Variants in IPO7 observed in about 807,000 individuals in gnomAD.
The protein encoded by IPO7 is importin-7.
A neutral mutation model predicts 136.4 loss-of-function variants in IPO7; 13 were observed. The ratio of observed to expected loss-of-function variants is 0.10; its 90% confidence interval spans 0.06 to 0.15. The LOEUF is 0.15. Ranked by LOEUF, IPO7 falls within the 10% of genes least tolerant of loss-of-function variation. The pLI is 1.00. For synonymous variants in IPO7, 403 were observed against 404.4 expected (o/e 1.00, Z 0.04); for missense variants, 857 against 1,240.6 (o/e 0.69, Z 4.65).
intron 4 of IPO7, among the ~76,000 whole-genome samples, chr11:9,412,265 T>C (rs1411451200): frequency 6.6e-6 from 1 of 152,196 alleles, no homozygotes; most frequent in Non-Finnish European, 1.5e-5. Flanking sequence ...TCATTTCACC[T>C]GGTAGGAAAA....
chr11:9,415,468 G>A (rs190948918), intron 5 of IPO7, among the ~76,000 whole-genome samples: 87 of 152,222 alleles, frequency 5.7e-4, no homozygotes, highest in Admixed American at 9.2e-4. Flanking sequence ...AAATCAGTGG[G>A]CTTTACTGGT....
chr11:9,396,255 G>A (rs999267403), intron 1 of IPO7, among the ~76,000 whole-genome samples: 9 of 151,954 alleles, frequency 5.9e-5, no homozygotes, highest in African/African-American at 1.7e-4. Context: ...TTAGCTGGGC[G>A]TAGCAGCACA....
chr11:9,389,458 A>C (rs1466089035), intron 1 of IPO7, among the ~76,000 whole-genome samples: 1 of 152,198 alleles, frequency 6.6e-6, no homozygotes, highest in East Asian at 1.9e-4. Context: ...GCACTGAGCT[A>C]AGTAGTTAGA....
chr11:9,388,417 C>T (rs1854582086), intron 1 of IPO7, among the ~76,000 whole-genome samples: 1 of 151,712 alleles, frequency 6.6e-6, no homozygotes. Flanking sequence ...CCTTGTGATC[C>T]GCCCACCTCG....
At position 9,410,461 on chromosome 11, in the gene IPO7, T is replaced by C. The variant is rs544683231; in HGVS notation, c.479+375T>C. Among the ~76,000 whole-genome samples the C allele has an allele frequency of 3.9e-5, 6 of 152,314 alleles. No homozygotes were observed. The South Asian group carries it at 8.3e-4, about 21-fold the overall frequency. ...CTCTTTATTACTTGTGGCTTTTTTTTCTGTGAATTTTTATCTTAATTTAGG... is the reference window on the plus strand; with the variant it reads ...CTCTTTATTACTTGTGGCTTTTTTTCCTGTGAATTTTTATCTTAATTTAGG... On this transcript the variant is annotated intron_variant, in intron 4 of 24. Coordinates refer to ENST00000379719, the MANE Select transcript of IPO7 (RefSeq NM_006391.3).
chr11:9,442,408 T>G (rs111515282), intron 24 of IPO7, among the ~76,000 whole-genome samples: 11 of 152,102 alleles, frequency 7.2e-5, no homozygotes, highest in Admixed American at 3.3e-4. Context: ...TTTCGTTTTT[T>G]TTTGTTTGTT....
chr11:9,406,203 T>C (rs1854885317), intron 2 of IPO7, among the ~76,000 whole-genome samples: 1 of 149,526 alleles, frequency 6.7e-6, no homozygotes, highest in Non-Finnish European at 1.5e-5. Context: ...TTACAGGCGT[T>C]AGCCACTATG....
At chr11:9,415,942 CT>C (rs1395165637) in intron 5 of IPO7, among the ~76,000 whole-genome samples, 1 of 152,170 alleles carries the variant, frequency 6.6e-6, no homozygotes, top group Non-Finnish European at 1.5e-5. Flanking sequence ...AATTCTGGTT[CT>C]TTTTGTTGTA....
At position 9,384,788 on chromosome 11, in the gene IPO7, G is replaced by A; in HGVS notation, c.25G>A (p.Ala9Thr). The part of the protein sequence containing the change: MDPNTIIE[A>T]LRGTMDPALR... ...GATGGACCCCAACACCATTATCGAG[G>A]CCCTGCGGGGCACTATGGACCCAGC... Residue 9 changes from alanine (A) to threonine (T), a missense_variant, in exon 1 of 25, where the codon GCC becomes ACC. Transcript: ENST00000379719. 6 of 1,607,158 alleles carry A rather than the reference G, an allele frequency of 3.7e-6. No individual in the cohort carries two copies. Among genetic ancestry groups the A allele is most frequent in the Non-Finnish European group, 5.1e-6 (6 of 1,176,974 alleles).
chr11:9,411,059 A>C (rs1259923767), intron 4 of IPO7, among the ~76,000 whole-genome samples: 3 of 152,200 alleles, frequency 2.0e-5, no homozygotes, highest in East Asian at 3.8e-4. Flanking sequence ...CTTCCTGCTA[A>C]GGAATGTTCC....
At chr11:9,416,900 TTTACCA>T (rs1855048924) in intron 5 of IPO7, among the ~76,000 whole-genome samples, 153 bp from the exon 6 acceptor site, 1 of 152,230 alleles carries the variant, frequency 6.6e-6, no homozygotes, top group Admixed American at 6.5e-5. Context: ...CCACTCACTG[TTTACCA>T]TTATAGATAA....
At chr11:9,420,744 A>C in intron 8 of IPO7, 46 bp downstream of exon 8, 1 of 1,275,826 alleles carries the variant, frequency 7.8e-7, no homozygotes, top group Non-Finnish European at 1.1e-6. Context: ...GGCATCTTTA[A>C]GTTAATTTAT....
Position 9,397,332 on chromosome 11 carries a change from T to TAAAAAAAAAAAAAAAAAAAAA in IPO7, c.85-5958_85-5957insAAAAAAAAAAAAAAAAAAAAA, listed in dbSNP as rs757736784. 4.9e-4 allele frequency among the ~76,000 whole-genome samples: 6 copies of TAAAAAAAAAAAAAAAAAAAAA among 12,136 alleles called. 3 individuals are homozygous for TAAAAAAAAAAAAAAAAAAAAA. Among genetic ancestry groups the TAAAAAAAAAAAAAAAAAAAAA allele is most frequent in the African/African-American group, 5.1e-4 (2 of 3,886 alleles). The allele number at this position is 12,136 out of a possible 152,430, so 8.0% of individuals were successfully genotyped here. ...AAACCCCGTCTTTACTAAAAATAAT[T>TAAAAAAAAAAAAAAAAAAAAA]TAAAAAAAAATATATATATATATAT... On this transcript the variant is annotated intron_variant, in intron 1 of 24. Transcript: ENST00000379719.
intron 19 of IPO7, 70 bp downstream of exon 19, chr11:9,435,101 T>C (rs1590451432): frequency 3.3e-6 from 3 of 901,516 alleles, no homozygotes; most frequent in East Asian, 2.4e-5. Flanking sequence ...TGAAAACTCA[T>C]GTGATACCAC....
chr11:9,420,549 T>A, intron 7 of IPO7, 44 bp downstream of exon 7: 1 of 1,573,316 alleles, frequency 6.4e-7, no homozygotes. Flanking sequence ...TTTATTAAGG[T>A]TTTGCTTTAA....
intron 22 of IPO7, among the ~76,000 whole-genome samples, 188 bp downstream of exon 22, chr11:9,438,473 A>C (rs1241511068): frequency 6.6e-6 from 1 of 151,844 alleles, no homozygotes; most frequent in African/African-American, 2.4e-5. Context: ...AAAAATACAA[A>C]AATTAGCTGG....
intron 4 of IPO7, among the ~76,000 whole-genome samples, chr11:9,410,301 C>G (rs142623782): frequency 7.2e-5 from 11 of 152,098 alleles, no homozygotes; most frequent in African/African-American, 2.6e-4. Context: ...ACCCTTTTTT[C>G]TTAATCACCG....
chr11:9,443,786 G>A (rs1855491023), intron 24 of IPO7, among the ~76,000 whole-genome samples: 1 of 152,010 alleles, frequency 6.6e-6, no homozygotes, highest in Admixed American at 6.6e-5. Flanking sequence ...TGTAGTCCCA[G>A]CTACTTGGGA....
At chr11:9,420,355 A>G (rs1367250950) in intron 6 of IPO7, 56 bp from the exon 7 acceptor site, 1 of 1,147,612 alleles carries the variant, frequency 8.7e-7, no homozygotes, top group Non-Finnish European at 1.3e-6. Flanking sequence ...TTCTCATCTC[A>G]TGCTGTTCCT....
Sources: gnomAD v4.1 joint callset for allele counts (sites outside exome capture counted in the v4.1 genomes callset) on GRCh38, gnomAD v4.1.1 for gene constraint, MANE v1.5 for transcripts, NCBI Gene and HGNC (gene_info 2026-07-23, HGNC 2026-07-21) for gene names.